Variants in ADK observed in about 807,000 individuals in gnomAD.
ADK encodes adenosine kinase.
In ADK, 24 loss-of-function variants were observed where a neutral mutation model predicts 44.7. The observed-to-expected ratio is 0.54, with a 90% CI of 0.39 to 0.76. The LOEUF (loss-of-function observed/expected upper bound fraction) is 0.76, where lower values mean the gene tolerates loss of function less well. ADK is among the 30% of genes least tolerant of loss of function. ADK has a pLI of 0.00. For synonymous variants in ADK, 128 were observed against 142.6 expected, an observed-to-expected ratio of 0.90 and a Z score of 0.73; for missense variants, 321 against 425.1, an observed-to-expected ratio of 0.76 and a Z score of 2.15.
At chr10:74,674,904 A>AT (rs1229205514) in intron 10 of ADK, among the ~76,000 whole-genome samples, 29 of 152,064 alleles carry the variant, frequency 1.9e-4, no homozygotes, top group African/African-American at 5.3e-4. Context: ...TAATTAATTA[A>AT]TAAAATAATT....
intron 3 of ADK, among the ~76,000 whole-genome samples, chr10:74,259,936 G>A (rs1845979540): frequency 6.6e-6 from 1 of 152,040 alleles, no homozygotes; most frequent in African/African-American, 2.4e-5. Flanking sequence ...GTTCTAGATA[G>A]GGATATTCTA....
intron 6 of ADK, among the ~76,000 whole-genome samples, chr10:74,512,689 G>C (rs192021640): frequency 6.6e-6 from 1 of 151,172 alleles, no homozygotes; most frequent in Admixed American, 6.6e-5. Context: ...CTAGCTAATG[G>C]TTTGTCAATT....
chr10:74,377,191 C>G (rs923465535), intron 4 of ADK, among the ~76,000 whole-genome samples: 1 of 152,084 alleles, frequency 6.6e-6, no homozygotes, highest in Non-Finnish European at 1.5e-5. Context: ...GACATCTGAC[C>G]AAACTCTCAT....
At chr10:74,264,857 T>C (rs1846159843) in intron 3 of ADK, among the ~76,000 whole-genome samples, 1 of 152,198 alleles carries the variant, frequency 6.6e-6, no homozygotes, top group African/African-American at 2.4e-5. Context: ...AAAACTTCAT[T>C]GCCTTAATAG....
chr10:74,678,070 G>A (rs1405666090), intron 10 of ADK, among the ~76,000 whole-genome samples: 1 of 148,912 alleles, frequency 6.7e-6, no homozygotes, highest in Non-Finnish European at 1.5e-5. Context: ...GAGCCCAAAA[G>A]GTTGAGGCTG....
chr10:74,543,883 A>G (rs1293682147), intron 7 of ADK, among the ~76,000 whole-genome samples: 1 of 150,700 alleles, frequency 6.6e-6, no homozygotes, highest in African/African-American at 2.4e-5. Context: ...TTGCTATTTT[A>G]TCAGACACAT....
intron 7 of ADK, among the ~76,000 whole-genome samples, chr10:74,531,773 T>G (rs576538476): frequency 1.3e-5 from 2 of 152,062 alleles, no homozygotes; most frequent in African/African-American, 4.8e-5. Context: ...CTGAAGCGAG[T>G]CCTTCTACCT....
At chr10:74,480,115 T>C (rs1335302771) in intron 6 of ADK, among the ~76,000 whole-genome samples, 1 of 152,154 alleles carries the variant, frequency 6.6e-6, no homozygotes, top group African/African-American at 2.4e-5. Context: ...ACAGCTTGGC[T>C]GCATATAAAA....
chr10:74,421,428 G>A (rs1844552026), intron 6 of ADK, among the ~76,000 whole-genome samples: 1 of 152,190 alleles, frequency 6.6e-6, no homozygotes, highest in Middle Eastern at 3.2e-3. Context: ...TACTGGATTA[G>A]AGTTGGAGAT....
At chr10:74,343,899 T>C (rs1008505148) in intron 4 of ADK, among the ~76,000 whole-genome samples, 28 of 152,322 alleles carry the variant, frequency 1.8e-4, no homozygotes, top group Non-Finnish European at 2.8e-4. Flanking sequence ...TGAGCAACCA[T>C]GCCTGGCTGC....
intron 4 of ADK, among the ~76,000 whole-genome samples, chr10:74,321,512 G>A (rs537204674): frequency 2.0e-5 from 3 of 152,136 alleles, no homozygotes; most frequent in Admixed American, 6.5e-5. Flanking sequence ...TTGAACTCCT[G>A]GGCTCAAATG....
At chr10:74,289,859 C>A (rs1406372636) in intron 3 of ADK, among the ~76,000 whole-genome samples, 1 of 147,468 alleles carries the variant, frequency 6.8e-6, no homozygotes, top group Non-Finnish European at 1.5e-5. Flanking sequence ...AAAGAAAATT[C>A]TCCTTTGTAG....
intron 7 of ADK, chr10:74,527,562 C>G (rs1234560251): frequency 1.3e-6 from 1 of 741,066 alleles, no homozygotes; most frequent in African/African-American, 1.7e-5. Flanking sequence ...TTAATAAGAG[C>G]TCAAATTTGG....
intron 4 of ADK, among the ~76,000 whole-genome samples, chr10:74,375,656 T>G (rs1039342948): frequency 6.6e-6 from 1 of 152,196 alleles, no homozygotes; most frequent in African/African-American, 2.4e-5. Context: ...GCCATTTTTT[T>G]TTTTAAACTG....
intron 9 of ADK, among the ~76,000 whole-genome samples, chr10:74,611,486 AC>A: frequency 6.8e-6 from 1 of 146,346 alleles, no homozygotes; most frequent in East Asian, 2.0e-4. Context: ...ATACAGTCCT[AC>A]CTTTTTTTTT....
chr10:74,249,630 A>G (rs1313651342), intron 3 of ADK, among the ~76,000 whole-genome samples: 1 of 152,170 alleles, frequency 6.6e-6, no homozygotes, highest in Non-Finnish European at 1.5e-5. Context: ...AGCCAATTTG[A>G]AGCAATAAAT....
intron 9 of ADK, among the ~76,000 whole-genome samples, chr10:74,620,023 A>G (rs1852927028): frequency 6.6e-6 from 1 of 152,156 alleles, no homozygotes; most frequent in Non-Finnish European, 1.5e-5. Context: ...CACCCTGCCC[A>G]TCGTGATGTT....
At chr10:74,295,777 G>T in intron 3 of ADK, among the ~76,000 whole-genome samples, 1 of 151,712 alleles carries the variant, frequency 6.6e-6, no homozygotes, top group East Asian at 1.9e-4. Context: ...AATACTTAAA[G>T]GGCTTTTTAG....
intron 3 of ADK, among the ~76,000 whole-genome samples, chr10:74,276,248 T>C (rs1846674088): frequency 6.6e-6 from 1 of 152,184 alleles, no homozygotes; most frequent in Non-Finnish European, 1.5e-5. Context: ...CAACCTATCC[T>C]TCCCCTGTTT....
Sources: gnomAD v4.1 joint callset for allele counts (sites outside exome capture counted in the v4.1 genomes callset) on GRCh38, gnomAD v4.1.1 for gene constraint, MANE v1.5 for transcripts, NCBI Gene and HGNC (gene_info 2026-07-23, HGNC 2026-07-21) for gene names.